GPC5: variants seen among roughly 807,000 people sequenced by gnomAD.
The protein encoded by GPC5 is glypican-5.
Under a neutral mutation model 53.9 loss-of-function variants are expected in GPC5, and 47 were observed. That is an observed-to-expected ratio of 0.87 (90% confidence interval 0.69 to 1.11). GPC5 has a LOEUF of 1.11. Among genes scored for constraint, GPC5 ranks in the 50% most tolerant of loss-of-function variants. GPC5 has a pLI of 0.00. For missense variants in GPC5, 748 were observed against 713.1 expected, an observed-to-expected ratio of 1.05 and a Z score of -0.56; for synonymous variants, 286 against 263.3, an observed-to-expected ratio of 1.09 and a Z score of -0.84.
intron 6 of GPC5, among the ~76,000 whole-genome samples, chr13:92,115,191 G>A (rs1042031709): frequency 1.3e-5 from 2 of 152,158 alleles, no homozygotes; most frequent in African/African-American, 2.4e-5. Flanking sequence ...GCATAGTCAT[G>A]TAACCACCAC....
At chr13:91,644,795 T>C (rs1393901033) in intron 2 of GPC5, among the ~76,000 whole-genome samples, 2 of 152,222 alleles carry the variant, frequency 1.3e-5, no homozygotes, top group African/African-American at 2.4e-5. Context: ...TTAAATACCA[T>C]TTATTTTGTG....
At chr13:91,556,365 A>G (rs1338915761) in intron 2 of GPC5, among the ~76,000 whole-genome samples, 1 of 151,926 alleles carries the variant, frequency 6.6e-6, no homozygotes, top group African/African-American at 2.4e-5. Flanking sequence ...TGATCCAGCA[A>G]TCCCACTACT....
chr13:91,845,674 A>G (rs2038840753), intron 5 of GPC5, among the ~76,000 whole-genome samples: 1 of 152,168 alleles, frequency 6.6e-6, no homozygotes, highest in Non-Finnish European at 1.5e-5. Context: ...TTTGTGGAGA[A>G]AAGAACCATT....
At chr13:92,724,164 A>T (rs1315165259) in intron 7 of GPC5, among the ~76,000 whole-genome samples, 1 of 151,566 alleles carries the variant, frequency 6.6e-6, no homozygotes, top group Non-Finnish European at 1.5e-5. Flanking sequence ...GTCTAAAATT[A>T]TTCTAGGTCA....
At chr13:91,834,809 G>A (rs1041564074) in intron 5 of GPC5, among the ~76,000 whole-genome samples, 1 of 152,088 alleles carries the variant, frequency 6.6e-6, no homozygotes, top group Non-Finnish European at 1.5e-5. Flanking sequence ...GAAAACGTAG[G>A]CAATACTATT....
chr13:92,306,984 A>C (rs2043115329), intron 7 of GPC5, among the ~76,000 whole-genome samples: 1 of 152,214 alleles, frequency 6.6e-6, no homozygotes, highest in Admixed American at 6.5e-5. Context: ...AGAGAAGCAT[A>C]ACATAATACT....
intron 2 of GPC5, among the ~76,000 whole-genome samples, chr13:91,679,985 A>G (rs760754438): frequency 2.2e-4 from 33 of 152,166 alleles, no homozygotes; most frequent in Admixed American, 6.5e-4. Flanking sequence ...GGTAATTCAG[A>G]CTTAAGTATT....
chr13:92,034,970 C>T (rs1243978716), intron 6 of GPC5, among the ~76,000 whole-genome samples: 1 of 152,064 alleles, frequency 6.6e-6, no homozygotes, highest in Admixed American at 6.5e-5. Flanking sequence ...GTTGGTTTGA[C>T]ACATAAAATA....
At chr13:91,467,348 C>T (rs1882304570) in intron 2 of GPC5, among the ~76,000 whole-genome samples, 1 of 152,202 alleles carries the variant, frequency 6.6e-6, no homozygotes, top group Non-Finnish European at 1.5e-5. Context: ...CACGATTCCT[C>T]CACCAAGGCC....
intron 5 of GPC5, among the ~76,000 whole-genome samples, chr13:91,763,320 T>A (rs1466486709): frequency 6.6e-6 from 1 of 152,148 alleles, no homozygotes; most frequent in Non-Finnish European, 1.5e-5. Flanking sequence ...GTACGCACTT[T>A]CATGGACATT....
At chr13:91,574,582 A>G (rs2032064422) in intron 2 of GPC5, among the ~76,000 whole-genome samples, 1 of 152,168 alleles carries the variant, frequency 6.6e-6, no homozygotes, top group South Asian at 2.1e-4. Context: ...TTTGTATATC[A>G]GAAATCACAT....
chr13:91,866,264 C>T (rs993929785), intron 5 of GPC5, among the ~76,000 whole-genome samples: 12 of 152,146 alleles, frequency 7.9e-5, no homozygotes, highest in African/African-American at 2.4e-4. Flanking sequence ...AAATGAATGG[C>T]ATTTCTCAAA....
chr13:92,608,372 G>A (rs762592226), intron 7 of GPC5, among the ~76,000 whole-genome samples: 2 of 152,122 alleles, frequency 1.3e-5, no homozygotes, highest in African/African-American at 2.4e-5. Flanking sequence ...CTTGGAATAT[G>A]CTACTTCTTC....
At chr13:92,162,799 A>G (rs532342776) in intron 7 of GPC5, among the ~76,000 whole-genome samples, 24 of 152,276 alleles carry the variant, frequency 1.6e-4, no homozygotes, top group African/African-American at 5.8e-4. Flanking sequence ...TTGATGACAT[A>G]AATGACAACT....
At chr13:91,537,019 G>A (rs368232544) in intron 2 of GPC5, among the ~76,000 whole-genome samples, 1 of 152,032 alleles carries the variant, frequency 6.6e-6, no homozygotes, top group Non-Finnish European at 1.5e-5. Context: ...AAAATACAAT[G>A]TACCAAAACT....
At chr13:91,994,736 T>A (rs1347141816) in intron 6 of GPC5, 3 of 152,140 alleles carry the variant, frequency 2.0e-5, no homozygotes, top group African/African-American at 7.2e-5. Context: ...CATTGTTAAT[T>A]ACACAAAAGT....
At chr13:91,441,754 C>T (rs4771833) in intron 1 of GPC5, among the ~76,000 whole-genome samples, 69,598 of 151,968 alleles carry the variant, frequency 0.46, 16,581 homozygotes, top group Middle Eastern at 0.56. Flanking sequence ...TTCCAAAACT[C>T]GTCTCAGTTC....
chr13:91,591,841 T>C (rs1055823547), intron 2 of GPC5, among the ~76,000 whole-genome samples: 1 of 152,268 alleles, frequency 6.6e-6, no homozygotes, highest in Admixed American at 6.5e-5. Flanking sequence ...TTGGATTGTT[T>C]TACTGGATTC....
intron 7 of GPC5, among the ~76,000 whole-genome samples, chr13:92,793,383 G>A (rs1196489451): frequency 6.6e-6 from 1 of 152,160 alleles, no homozygotes; most frequent in East Asian, 1.9e-4. Context: ...CACATTTAAA[G>A]CAGTGTGTGC....
Sources: gnomAD v4.1 joint callset for allele counts (sites outside exome capture counted in the v4.1 genomes callset) on GRCh38, gnomAD v4.1.1 for gene constraint, MANE v1.5 for transcripts, NCBI Gene and HGNC (gene_info 2026-07-23, HGNC 2026-07-21) for gene names.